MTMR10: variants seen among roughly 807,000 people sequenced by gnomAD.
MTMR10 encodes myotubularin-related protein 10.
MTMR10 carries 56 observed loss-of-function variants against 88.1 expected under a neutral mutation model. That is an observed-to-expected ratio of 0.64 (90% CI 0.51 to 0.79). MTMR10 has a LOEUF of 0.79. MTMR10 is among the 30% of genes least tolerant of loss of function. MTMR10 has a pLI of 0.00. For synonymous variants in MTMR10, 380 were observed against 340.9 expected (o/e 1.11, Z -1.26); for missense variants, 883 against 924.7 (o/e 0.95, Z 0.58).
chr15:30,938,963 T>G lies in MTMR10; in HGVS notation c.*2507A>C. ...ACAAACAGTCGCTGTGGAATTTTAT[T>G]AAGCCATCAAAATTTCCTTCACATT... is the stretch of plus-strand genomic sequence containing the variant. On this transcript the variant is annotated 3_prime_UTR_variant, in exon 16 of 16. Coordinates refer to ENST00000435680, the MANE Select transcript of MTMR10 (RefSeq NM_017762.3). 2 of 985,418 alleles carry G rather than the reference T, an allele frequency of 2.0e-6. No individual in the cohort carries two copies. The highest frequency in any genetic ancestry group is 2.4e-6 in the Non-Finnish European group (2 of 829,908). 61.0% of individuals were successfully genotyped at this position (985,418 alleles called of 1,614,324 possible).
At chr15:30,930,820 C>T in the MTMR10 span, 14 of 935,494 alleles carry the variant, frequency 1.5e-5, no homozygotes, top group South Asian at 1.0e-4. Context: ...GTGGGCCTGT[C>T]CCCTGCGACT....
chr15:30,929,082 C>T, the MTMR10 span: 2 of 871,510 alleles, frequency 2.3e-6, no homozygotes, highest in Non-Finnish European at 1.8e-6. Flanking sequence ...TTTTACTTAT[C>T]TTTTGAGAGA....
intron 12 of MTMR10, 29 bp from the exon 13 acceptor site, chr15:30,948,500 A>G (rs1413514623): frequency 6.4e-7 from 1 of 1,565,004 alleles, no homozygotes; most frequent in South Asian, 1.2e-5. Context: ...GAAAATGATT[A>G]CAACATAGAA....
chr15:30,976,782 G>A, intron 3 of MTMR10, 37 bp downstream of exon 3: 2 of 1,590,484 alleles, frequency 1.3e-6, no homozygotes, highest in Non-Finnish European at 1.7e-6. Context: ...AGAGTTGAAA[G>A]CCTGATAGAA....
Position 30,959,051 on chromosome 15 carries a change from C to T in MTMR10, c.829G>A (p.Val277Ile), listed in dbSNP as rs1032688479. Residue 277 changes from valine (V) to isoleucine (I), a missense_variant, in exon 8 of 16, where the codon GTT becomes ATT. This residue lies in a region of MTMR10 where 414 missense variants were observed against 423.2 expected (regional missense o/e 0.98). Coordinates refer to ENST00000435680, the MANE Select transcript of MTMR10 (RefSeq NM_017762.3). ...TCACTTACTGGCATCCTTCTCCCAA[C>T]AAAAGAATGGGAAAAGATCTTTAGA... is the stretch of plus-strand genomic sequence containing the variant. ...QDLKIFSHSF[V>I]GRRMPLWCWS... 6.2e-7 allele frequency: 1 copy of T among 1,613,280 alleles called. No individual in the cohort carries two copies. The highest frequency in any genetic ancestry group is 8.5e-7 in the Non-Finnish European group (1 of 1,179,504).
downstream of MTMR10, among the ~76,000 whole-genome samples, chr15:30,938,381 TTG>T (rs1169098556): frequency 1.3e-5 from 2 of 152,164 alleles, no homozygotes; most frequent in Non-Finnish European, 2.9e-5. Flanking sequence ...TCTCATGAAG[TTG>T]TGTTGATTTA....
chr15:30,953,694 A>G, intron 10 of MTMR10, 63 bp from the exon 11 acceptor site: 1 of 1,052,284 alleles, frequency 9.5e-7, no homozygotes, highest in Admixed American at 2.5e-5. Flanking sequence ...TATCAGAGTA[A>G]AGAGATACAT....
the MTMR10 span, among the ~76,000 whole-genome samples, chr15:30,929,565 C>A: frequency 5.3e-4 from 61 of 115,204 alleles, no homozygotes; most frequent in Admixed American, 9.6e-4. Context: ...TATATTATAT[C>A]TTTATTATAT....
the MTMR10 span, chr15:30,920,737 T>G: frequency 1.3e-6 from 1 of 775,770 alleles, no homozygotes; most frequent in Non-Finnish European, 2.2e-6. Flanking sequence ...GCTCTCAGCA[T>G]TTCCTGCTTA....
rs769521928 is a variant in MTMR10 at position 30,943,077 on chromosome 15, A to AAAAT, written c.1549-9_1549-6dup. ...GTTTTTGCTTATAGCAAATTCCTGCAAAATAAATAAATAAATATTTGCAAA... is the reference window on the plus strand; with the variant it reads ...GTTTTTGCTTATAGCAAATTCCTGCAAAATAAATAAATAAATAAATATTTGCAAA... On this transcript the variant is annotated splice_polypyrimidine_tract_variant and splice_region_variant and intron_variant, in intron 14 of 15. Coordinates refer to ENST00000435680, the MANE Select transcript of MTMR10 (RefSeq NM_017762.3). 9.8e-6 allele frequency: 15 copies of AAAAT among 1,524,550 alleles called. No individual in the cohort carries two copies. Among genetic ancestry groups the AAAAT allele is most frequent in the African/African-American group, 5.6e-5 (4 of 71,234 alleles). 94.4% of individuals were successfully genotyped at this position (1,524,550 alleles called of 1,614,324 possible). A position where few individuals can be genotyped will look rare whatever the true frequency, so the allele number is the denominator to read the frequency against.
At chr15:30,925,809 G>A in the MTMR10 span, 1 of 1,614,178 alleles carries the variant, frequency 6.2e-7, no homozygotes, top group Non-Finnish European at 8.5e-7. Flanking sequence ...CAGGCAGGCT[G>A]TGCCCACAGC....
chr15:30,945,920 C>T (rs1435388586), intron 14 of MTMR10, among the ~76,000 whole-genome samples: 1 of 152,206 alleles, frequency 6.6e-6, no homozygotes, highest in East Asian at 1.9e-4. Flanking sequence ...TCCCCAGTAG[C>T]TGGGACCACA....
At chr15:30,946,655 TG>T in intron 14 of MTMR10, 1 of 688,240 alleles carries the variant, frequency 1.5e-6, no homozygotes, top group East Asian at 2.7e-5. Context: ...TGGTTCAGAA[TG>T]GTTTCAAGTT....
At chr15:30,952,068 A>G in intron 11 of MTMR10, 30 bp from the exon 12 acceptor site, 5 of 1,577,146 alleles carry the variant, frequency 3.2e-6, no homozygotes, top group Non-Finnish European at 4.4e-6. Context: ...AGCAGTGTTA[A>G]AAATCAAATT....
In MTMR10 at chr15:30,942,025, A is replaced by G. The variant is rs759943139; in HGVS notation, c.1779T>C (p.Asn593=). The G allele has an allele frequency of 2.5e-5, 41 of 1,613,822 alleles. No individual in the cohort carries two copies. In the East Asian group the frequency reaches 8.9e-4, roughly 35 times the overall value. ...GTAATTCTTGGTCACTGATGATTCCATTCTTTAAGGCAGACGGCATTCCTC... is the reference window on the plus strand; with the variant it reads ...GTAATTCTTGGTCACTGATGATTCCGTTCTTTAAGGCAGACGGCATTCCTC... ...TLRGMPSALK[N]GIISDQELLP... Residue 593 remains asparagine, a synonymous_variant, in exon 16 of 16, where the codon AAT becomes AAC. Transcript: ENST00000435680.
chr15:30,936,409 G>T (rs2062853876), downstream of MTMR10, among the ~76,000 whole-genome samples: 1 of 151,062 alleles, frequency 6.6e-6, no homozygotes, highest in Admixed American at 6.6e-5. Context: ...TGGCAAGAAG[G>T]TTAGATTTAA....
chr15:30,940,358 G>A lies in MTMR10; in HGVS notation c.*1112C>T, dbSNP rs368833216. ...ACTTTGCTGTCCAAAGTTGGGGGCT[G>A]GGGGAGCACTTCTGTCGCTATTCAA... On this transcript the variant is annotated 3_prime_UTR_variant, in exon 16 of 16. Coordinates refer to ENST00000435680, the MANE Select transcript of MTMR10 (RefSeq NM_017762.3). 5 of 985,420 alleles carry A rather than the reference G, an allele frequency of 5.1e-6. No individual in the cohort carries two copies. In the African/African-American group the frequency reaches 8.7e-5, roughly 17 times the overall value. The allele number at this position is 985,420 out of a possible 1,614,324, so 61.0% of individuals were successfully genotyped here. A position where few individuals can be genotyped will look rare whatever the true frequency, so the allele number is the denominator to read the frequency against.
At chr15:30,935,566 A>T (rs115970992), downstream of MTMR10, among the ~76,000 whole-genome samples, 703 of 152,326 alleles carry the variant, frequency 4.6e-3, 4 homozygotes, top group African/African-American at 0.016. Context: ...GTATATGAGA[A>T]GATGTGCTAG....
the MTMR10 span, chr15:30,929,234 T>C: frequency 6.2e-7 from 1 of 1,613,222 alleles, no homozygotes; most frequent in African/African-American, 1.3e-5. Context: ...ACAGACAGCT[T>C]CTTCACAAGC....
Sources: gnomAD v4.1 joint callset for allele counts (sites outside exome capture counted in the v4.1 genomes callset) on GRCh38, gnomAD v4.1.1 for gene constraint, gnomAD v4.1.1 regional missense constraint, MANE v1.5 for transcripts, NCBI Gene and HGNC (gene_info 2026-07-23, HGNC 2026-07-21) for gene names.